The following GNB4 variants were observed in gnomAD, a reference collection of about 807,000 sequenced individuals.
GNB4 encodes the protein guanine nucleotide-binding protein subunit beta-4.
In GNB4, 28 loss-of-function variants were observed where a neutral mutation model predicts 45.2. That is an observed-to-expected ratio of 0.62 (90% confidence interval 0.46 to 0.85). The LOEUF is 0.85. Ranked by LOEUF, GNB4 falls within the 40% of genes least tolerant of loss-of-function variation. The pLI, the probability that GNB4 is intolerant of heterozygous loss-of-function variation, is 0.00. For synonymous variants in GNB4, 132 were observed against 143.7 expected (o/e 0.92, Z 0.58); for missense variants, 321 against 425.4 (o/e 0.75, Z 2.16).
chr3:179,520,685 C>T, the GNB4 span, among the ~76,000 whole-genome samples: 12 of 152,244 alleles, frequency 7.9e-5, no homozygotes, highest in African/African-American at 2.6e-4. Flanking sequence ...CCCACAGTTA[C>T]CATTGTTCCT....
chr3:179,469,962 A>T, the GNB4 span, among the ~76,000 whole-genome samples: 1 of 152,208 alleles, frequency 6.6e-6, no homozygotes, highest in Admixed American at 6.5e-5. Context: ...GTTTCAATCA[A>T]CTATGAACTA....
intron 8 of GNB4, among the ~76,000 whole-genome samples, chr3:179,411,196 AACTC>A (rs150964488): frequency 3.3e-5 from 5 of 152,252 alleles, no homozygotes; most frequent in African/African-American, 1.2e-4. Flanking sequence ...AAATTTCAGC[AACTC>A]ACTCAGTGAA....
intron 8 of GNB4, among the ~76,000 whole-genome samples, chr3:179,411,331 T>C (rs1053700712): frequency 1.3e-5 from 2 of 152,026 alleles, no homozygotes; most frequent in South Asian, 2.1e-4. Context: ...TATAAAAATA[T>C]AATGAAGTTG....
At position 179,397,512 on chromosome 3, in the gene GNB4, T is replaced by TA. The variant is rs1359846238; in HGVS notation, c.*3700dup. On this transcript the variant is annotated 3_prime_UTR_variant, in exon 10 of 10. Coordinates refer to ENST00000232564, the MANE Select transcript of GNB4 (RefSeq NM_021629.4). ...TACTATCATGCAATCGCTGAGGTCA[T>TA]ATGAGTCTAAAATGAAGGGAATTGC... 3 of 152,468 alleles carry TA rather than the reference T, an allele frequency of 2.0e-5. No individual in the cohort carries two copies. The highest frequency in any genetic ancestry group is 7.2e-5 in the African/African-American group (3 of 41,426). 9.4% of individuals were successfully genotyped at this position (152,468 alleles called of 1,614,324 possible). A position where few individuals can be genotyped will look rare whatever the true frequency, so the allele number is the denominator to read the frequency against.
chr3:179,432,399 G>A (rs964106139), intron 1 of GNB4, among the ~76,000 whole-genome samples: 1 of 151,864 alleles, frequency 6.6e-6, no homozygotes, highest in Admixed American at 6.6e-5. Context: ...TGATTACACA[G>A]ATTTTTGGGT....
chr3:179,465,839 T>G, the GNB4 span, among the ~76,000 whole-genome samples: 1 of 123,626 alleles, frequency 8.1e-6, no homozygotes, highest in Admixed American at 8.9e-5. Flanking sequence ...TTTTTTTTTG[T>G]AGAGATGGGG....
intron 1 of GNB4, among the ~76,000 whole-genome samples, chr3:179,432,729 A>C (rs977534093): frequency 2.6e-5 from 4 of 152,218 alleles, no homozygotes; most frequent in Non-Finnish European, 5.9e-5. Flanking sequence ...GTTTATCAGA[A>C]GCATGCGTAA....
chr3:179,427,950 C>A (rs992601355), intron 1 of GNB4, among the ~76,000 whole-genome samples: 2 of 152,088 alleles, frequency 1.3e-5, no homozygotes, highest in African/African-American at 4.8e-5. Flanking sequence ...AAGCCTATAA[C>A]TTTTTAGGTC....
the GNB4 span, chr3:179,465,265 A>G: frequency 6.7e-7 from 1 of 1,490,678 alleles, no homozygotes. Flanking sequence ...ATATCACTCC[A>G]GTTCCTGGAG....
At chr3:179,442,386 A>G (rs1202891721) in intron 1 of GNB4, among the ~76,000 whole-genome samples, 4 of 152,208 alleles carry the variant, frequency 2.6e-5, no homozygotes, top group Non-Finnish European at 4.4e-5. Context: ...GTAAAATAGC[A>G]GGGCATTTCC....
chr3:179,440,747 A>C (rs1715572871), intron 1 of GNB4, among the ~76,000 whole-genome samples: 1 of 152,222 alleles, frequency 6.6e-6, no homozygotes, highest in Non-Finnish European at 1.5e-5. Context: ...GTAAACTTTC[A>C]TGCATAAAAA....
chr3:179,399,062 A>C lies in GNB4; in HGVS notation c.*2151T>G, dbSNP rs540300537. The C allele has an allele frequency of 3.1e-4, 47 of 152,302 alleles. No individual in the cohort carries two copies. Among genetic ancestry groups the C allele is most frequent in the African/African-American group, 1.1e-3 (45 of 41,562 alleles). The allele number at this position is 152,302 out of a possible 1,614,324, so 9.4% of individuals were successfully genotyped here. A position where few individuals can be genotyped will look rare whatever the true frequency, so the allele number is the denominator to read the frequency against. ...TGCATAATAGAATTGCTTTCTTCTGACTAACCTACATGGCAAACTTTCCCC... is the reference window on the plus strand; with the variant it reads ...TGCATAATAGAATTGCTTTCTTCTGCCTAACCTACATGGCAAACTTTCCCC... On this transcript the variant is annotated 3_prime_UTR_variant, in exon 10 of 10. Transcript: ENST00000232564.
chr3:179,436,335 A>G (rs931349427), intron 1 of GNB4, among the ~76,000 whole-genome samples: 1 of 152,250 alleles, frequency 6.6e-6, no homozygotes, highest in Non-Finnish European at 1.5e-5. Context: ...GGTTGCGGTG[A>G]GCCGAGATCA....
At chr3:179,462,379 T>C in the GNB4 span, among the ~76,000 whole-genome samples, 1 of 152,206 alleles carries the variant, frequency 6.6e-6, no homozygotes, top group Admixed American at 6.5e-5. Flanking sequence ...ATAGTCTGTG[T>C]GCTTGTTTTA....
chr3:179,433,163 T>C (rs1369647771), intron 1 of GNB4, among the ~76,000 whole-genome samples: 3 of 152,142 alleles, frequency 2.0e-5, no homozygotes, highest in East Asian at 3.8e-4. Flanking sequence ...ACACTAGTTA[T>C]AGGCAAAACA....
chr3:179,401,387 A>AGCGCCCCTCTCCGCGACTTTTTTT, intron 9 of GNB4, 68 bp from the exon 10 acceptor site: 1 of 851,232 alleles, frequency 1.2e-6, no homozygotes, highest in Admixed American at 2.5e-5. Flanking sequence ...ATATGCAGAG[A>AGCGCCCCTCTCCGCGACTTTTTTT]TTTAAAAGGG....
Position 179,396,181 on chromosome 3 carries a change from G to A in GNB4, c.*5032C>T, listed in dbSNP as rs944832825. 2.0e-5 allele frequency: 3 copies of A among 152,082 alleles called. No homozygotes were observed. The highest frequency in any genetic ancestry group is 7.2e-5 in the African/African-American group (3 of 41,400). 9.4% of individuals were successfully genotyped at this position (152,082 alleles called of 1,614,324 possible). ...GAGGAATGAATCACTGTGTAAGAAAGATCTAAGAACAGTTAAATCATGATA... is the reference window on the plus strand; with the variant it reads ...GAGGAATGAATCACTGTGTAAGAAAAATCTAAGAACAGTTAAATCATGATA... On this transcript the variant is annotated 3_prime_UTR_variant, in exon 10 of 10. Coordinates refer to ENST00000232564, the MANE Select transcript of GNB4 (RefSeq NM_021629.4).
At chr3:179,522,039 C>T in the GNB4 span, among the ~76,000 whole-genome samples, 24 of 152,246 alleles carry the variant, frequency 1.6e-4, no homozygotes, top group African/African-American at 5.5e-4. Context: ...CACTTCAACA[C>T]TATTTTGCCT....
chr3:179,425,455 G>T (rs1313575724), intron 2 of GNB4, among the ~76,000 whole-genome samples: 1 of 152,088 alleles, frequency 6.6e-6, no homozygotes, highest in Non-Finnish European at 1.5e-5. Context: ...GACATGTTTT[G>T]ATTCTGCCAC....
Sources: allele counts gnomAD v4.1 joint callset (sites outside exome capture counted in the v4.1 genomes callset), GRCh38; gene constraint gnomAD v4.1.1; transcripts MANE v1.5; gene names NCBI Gene and HGNC (gene_info 2026-07-23, HGNC 2026-07-21).